LYST: variants seen among roughly 807,000 people sequenced by gnomAD.
LYST encodes lysosomal trafficking regulator.
In LYST, 192 loss-of-function variants were observed where a neutral mutation model predicts 413.6. That is an observed-to-expected ratio of 0.46 (90% CI 0.41 to 0.52). The LOEUF is 0.52. LYST is among the 20% of genes least tolerant of loss of function. The probability of loss-of-function intolerance (pLI) is 0.00; values close to 1 mark genes in which losing one functional copy is unlikely to be tolerated. For synonymous variants in LYST, 1,525 were observed against 1,567.3 expected, an observed-to-expected ratio of 0.97 and a Z score of 0.64; for missense variants, 3,815 against 4,499.9, an observed-to-expected ratio of 0.85 and a Z score of 4.35.
chr1:235,755,418 G>T, intron 25 of LYST, 60 bp downstream of exon 25: 8 of 1,409,076 alleles, frequency 5.7e-6, no homozygotes, highest in Non-Finnish European at 7.0e-6. Context: ...GAAAAGAAAA[G>T]AAAAGAAAAG....
chr1:235,703,029 T>C lies in LYST; in HGVS notation c.10144-52A>G, dbSNP rs548205734. The stretch of plus-strand genomic sequence containing the variant: ...AGACATATGTAGTAAAAAGAAAGAC[T>C]TGACAATAATACCAAAGGGAAAAAC... On this transcript the variant is annotated intron_variant, in intron 44 of 52. Transcript: ENST00000389793. 24 of 1,248,164 alleles carry C rather than the reference T, an allele frequency of 1.9e-5. No homozygotes were observed. The African/African-American group carries it at 2.4e-4, about 12-fold the overall frequency. 77.3% of individuals were successfully genotyped at this position (1,248,164 alleles called of 1,614,324 possible). A position where few individuals can be genotyped will look rare whatever the true frequency, so the allele number is the denominator to read the frequency against.
rs1020736833 is a variant in LYST at position 235,764,495 on chromosome 1, C to CTTTTTTT, written c.6121+1577_6121+1583dup. Among the ~76,000 whole-genome samples the CTTTTTTT allele has an allele frequency of 1.0e-3, 102 of 97,926 alleles. 1 individual carries two copies. The highest frequency in any genetic ancestry group is 2.1e-3 in the African/African-American group (46 of 22,318). 64.2% of individuals were successfully genotyped at this position (97,926 alleles called of 152,430 possible). On this transcript the variant is annotated intron_variant, in intron 21 of 52. Coordinates refer to ENST00000389793, the MANE Select transcript of LYST (RefSeq NM_000081.4). ...TACTACATTTCTTTTTTTTTCTTTT[C>CTTTTTTT]TTTTTTTTTTTTTTTTTTTTTGAGA... is the stretch of plus-strand genomic sequence containing the variant.
chr1:235,727,710 T>C (rs1664015277), intron 38 of LYST, among the ~76,000 whole-genome samples: 1 of 152,198 alleles, frequency 6.6e-6, no homozygotes, highest in South Asian at 2.1e-4. Context: ...TATTCAATTA[T>C]TTAATATTTT....
intron 22 of LYST, among the ~76,000 whole-genome samples, chr1:235,760,600 C>A (rs1858639): frequency 0.5 from 75,974 of 151,940 alleles, 22,433 homozygotes; most frequent in African/African-American, 0.82. Context: ...ATTGTTGGGA[C>A]TTCACATTCT....
intron 2 of LYST, among the ~76,000 whole-genome samples, chr1:235,832,368 GTC>G (rs1202341706): frequency 6.6e-6 from 1 of 152,050 alleles, no homozygotes; most frequent in African/African-American, 2.4e-5. Context: ...GAATAATTAA[GTC>G]TATCTTCTAG....
At chr1:235,862,132 T>C (rs1572486594) in intron 1 of LYST, among the ~76,000 whole-genome samples, 1 of 152,200 alleles carries the variant, frequency 6.6e-6, no homozygotes, top group South Asian at 2.1e-4. Flanking sequence ...ACAGAGTTAG[T>C]AGTCAAATCC....
chr1:235,701,992 T>C (rs569913288), intron 45 of LYST, among the ~76,000 whole-genome samples: 2 of 152,306 alleles, frequency 1.3e-5, no homozygotes, highest in South Asian at 4.1e-4. Flanking sequence ...CCTCTTAAAA[T>C]AGGTCACAGA....
intron 3 of LYST, chr1:235,828,099 TAAC>T (rs1675540424): frequency 1.1e-6 from 1 of 885,336 alleles, no homozygotes; most frequent in African/African-American, 1.8e-5. Context: ...TTAGAATGGC[TAAC>T]ACTACAGACT....
chr1:235,709,113 G>C lies in LYST; in HGVS notation c.10121C>G (p.Ala3374Gly), dbSNP rs1288716595. 6.2e-7 allele frequency: 1 copy of C among 1,613,894 alleles called. No individual in the cohort carries two copies. Among genetic ancestry groups the C allele is most frequent in the Non-Finnish European group, 8.5e-7 (1 of 1,179,872 alleles). ...TACAGCAGGATGAAAAACATTGATC[G>C]CTTGAACAGAAGCCTTCCCCTTTTG... ...YKQKGKASVQAINVFHPATYF... is the reference protein window; with the variant it reads ...YKQKGKASVQGINVFHPATYF... The change falls in exon 44 of 53, where the codon GCG becomes GGG. Residue 3374 changes from alanine (A) to glycine (G), a missense_variant. Physicochemically the swap from Ala to Gly is moderately conservative, Grantham distance 60 (BLOSUM62 0). This residue lies in a region of LYST where 866 missense variants were observed against 1,156.0 expected (regional missense o/e 0.75). Transcript: ENST00000389793.
chr1:235,754,131 T>A (rs917526452), intron 25 of LYST, among the ~76,000 whole-genome samples: 1 of 152,052 alleles, frequency 6.6e-6, no homozygotes, highest in African/African-American at 2.4e-5. Flanking sequence ...CTCTCCCAGA[T>A]GACCTGAAGG....
chr1:235,875,044 C>T (rs1397784379), intron 1 of LYST, among the ~76,000 whole-genome samples: 2 of 152,154 alleles, frequency 1.3e-5, no homozygotes, highest in African/African-American at 4.8e-5. Context: ...CATTTTAACA[C>T]GATCCCCGGG....
chr1:235,807,592 G>T (rs573122785), intron 5 of LYST, among the ~76,000 whole-genome samples: 2 of 152,232 alleles, frequency 1.3e-5, no homozygotes, highest in East Asian at 3.9e-4. Context: ...TGCTAAGATT[G>T]ACCAAAAAAT....
intron 48 of LYST, among the ~76,000 whole-genome samples, chr1:235,680,834 G>A (rs941608033): frequency 2.6e-5 from 4 of 152,178 alleles, no homozygotes; most frequent in African/African-American, 9.6e-5. Flanking sequence ...CCTGACCTCA[G>A]GTGATCCGCC....
At chr1:235,808,395 AAAAAGATCTAGACATGCTCAAC>A in intron 5 of LYST, 38 bp downstream of exon 5, 1 of 1,509,716 alleles carries the variant, frequency 6.6e-7, no homozygotes, top group South Asian at 1.2e-5. Context: ...GCATCCAATG[AAAAAGATCTAGACATGCTCAAC>A]AACCCCCGCC....
chr1:235,834,988 C>G (rs1001121051), intron 1 of LYST, among the ~76,000 whole-genome samples: 1 of 151,858 alleles, frequency 6.6e-6, no homozygotes, highest in African/African-American at 2.4e-5. Flanking sequence ...GATCTCGGGT[C>G]ACTGCAACAA....
Position 235,793,379 on chromosome 1 carries a change from T to C in LYST, c.4116+124A>G, listed in dbSNP as rs148137941. 723 of 567,068 alleles carry C rather than the reference T, an allele frequency of 1.3e-3. 4 individuals are homozygous for C. The highest frequency in any genetic ancestry group is 0.012 in the African/African-American group (658 of 52,648). 35.1% of individuals were successfully genotyped at this position (567,068 alleles called of 1,614,324 possible). A position where few individuals can be genotyped will look rare whatever the true frequency, so the allele number is the denominator to read the frequency against. The stretch of plus-strand genomic sequence containing the variant: ...ACACATAATAACATGAAATTGCCTA[T>C]ACCAACTGTCACATCAAAAGAAAGA... On this transcript the variant is annotated intron_variant, in intron 11 of 52. Transcript: ENST00000389793.
intron 43 of LYST, among the ~76,000 whole-genome samples, chr1:235,710,871 G>A (rs1371281587): frequency 6.6e-6 from 1 of 152,116 alleles, no homozygotes; most frequent in East Asian, 1.9e-4. Context: ...GCCGTGCTGT[G>A]GGGAAGCCCA....
chr1:235,824,998 C>A (rs910437994), intron 3 of LYST, among the ~76,000 whole-genome samples: 1 of 151,792 alleles, frequency 6.6e-6, no homozygotes, highest in Non-Finnish European at 1.5e-5. Context: ...CCAGCCTGGG[C>A]GACAGAGTTG....
Position 235,792,703 on chromosome 1 carries a change from G to A in LYST, c.4117-578C>T, listed in dbSNP as rs562922793. Among the ~76,000 whole-genome samples, 153 of 143,738 alleles carry A rather than the reference G, an allele frequency of 1.1e-3. 3 individuals are homozygous for A. The South Asian group carries it at 0.029, about 27-fold the overall frequency. The allele number at this position is 143,738 out of a possible 152,430, so 94.3% of individuals were successfully genotyped here. On this transcript the variant is annotated intron_variant, in intron 11 of 52. Transcript: ENST00000389793. ...TTTGAGATGCAGTTTAGCTCTTGTT[G>A]CCCAGGCTGGAGTGCAATGGCATGA...
Sources: allele counts gnomAD v4.1 joint callset (sites outside exome capture counted in the v4.1 genomes callset), GRCh38; gene constraint gnomAD v4.1.1; regional missense constraint gnomAD v4.1.1; transcripts MANE v1.5; gene names NCBI Gene and HGNC (gene_info 2026-07-23, HGNC 2026-07-21).